The following SEMA7A variants were observed in gnomAD, a reference collection of about 807,000 sequenced individuals.
SEMA7A encodes the protein semaphorin-7A.
A neutral mutation model predicts 67.5 loss-of-function variants in SEMA7A; 21 were observed. That is an observed-to-expected ratio of 0.31 (90% CI 0.22 to 0.45). The LOEUF is 0.45. SEMA7A is among the 20% of genes least tolerant of loss of function. SEMA7A has a pLI of 1.00. For missense variants in SEMA7A, 774 were observed against 908.6 expected, an observed-to-expected ratio of 0.85 and a Z score of 1.90; for synonymous variants, 364 against 368.5, an observed-to-expected ratio of 0.99 and a Z score of 0.14.
At position 74,411,665 on chromosome 15, in the gene SEMA7A, G is replaced by A; in HGVS notation, c.1468C>T (p.Leu490=). The A allele has an allele frequency of 6.2e-7, 1 of 1,613,660 alleles. No homozygotes were observed. Among genetic ancestry groups the A allele is most frequent in the Non-Finnish European group, 8.5e-7 (1 of 1,179,980 alleles). ...CCGCCATAGACCTCACACAGGTCCA[G>A]GGGCACCTGGCTCACCTCCCACTGG... ...SSQWEVSQVP[L]DLCEVYGGGC... is the part of the protein sequence containing the mutation. Residue 490 remains leucine, a synonymous_variant, in exon 12 of 14, where the codon CTG becomes TTG. Transcript: ENST00000261918. The surrounding 1 kb of genome is among the most constrained non-coding windows in gnomAD (Gnocchi z 4.4).
intron 10 of SEMA7A, among the ~76,000 whole-genome samples, chr15:74,412,492 C>T (rs1028291590): frequency 2.0e-5 from 3 of 152,232 alleles, no homozygotes; most frequent in Non-Finnish European, 4.4e-5. Flanking sequence ...AGAGCCCAAC[C>T]ACTCAGCTGC....
At chr15:74,418,580 G>A (rs1817514814) in intron 2 of SEMA7A, among the ~76,000 whole-genome samples, 1 of 152,192 alleles carries the variant, frequency 6.6e-6, no homozygotes, top group African/African-American at 2.4e-5. Flanking sequence ...CTGCCCAGCT[G>A]GCCAGGCCCA....
rs867681694 is a variant in SEMA7A, at chr15:74,427,204, T to C, written c.178+6537A>G. The C allele has an allele frequency of 2.8e-5, 28 of 985,154 alleles. No individual in the cohort carries two copies. The Middle Eastern group carries it at 1.6e-3, about 55-fold the overall frequency. 61.0% of individuals were successfully genotyped at this position (985,154 alleles called of 1,614,324 possible). A position where few individuals can be genotyped will look rare whatever the true frequency, so the allele number is the denominator to read the frequency against. On this transcript the variant is annotated intron_variant, in intron 1 of 13. Coordinates refer to ENST00000261918, the MANE Select transcript of SEMA7A (RefSeq NM_003612.5). ...ACCACCATCTTCGCTCAGATCATGCTGTCTGATGGGATTTCATCTGGCCTA... is the reference window on the plus strand; with the variant it reads ...ACCACCATCTTCGCTCAGATCATGCCGTCTGATGGGATTTCATCTGGCCTA...
chr15:74,420,806 C>T (rs1172211504), intron 1 of SEMA7A, among the ~76,000 whole-genome samples: 4 of 152,244 alleles, frequency 2.6e-5, no homozygotes, highest in Non-Finnish European at 2.9e-5. Flanking sequence ...GCCCCAACTC[C>T]CCTCCTGCTC....
At position 74,414,556 on chromosome 15, in the gene SEMA7A, G is replaced by C. The variant is rs757100380; in HGVS notation, c.1285C>G (p.Leu429Val). ...SHGETFHVLY[L>V]TTDRGTIHKV... is the part of the protein sequence containing the mutation. The stretch of plus-strand genomic sequence containing the variant: ...CGGGGTAGCCTCTCACCTGTAGTTA[G>C]GTAAAGCACATGAAAGGTCTCCCCG... The change falls in exon 10 of 14, where the codon CTA becomes GTA. Residue 429 changes from leucine (L) to valine (V), a missense_variant. Leu to Val is a conservative substitution (Grantham distance 32). This residue lies in a region of SEMA7A where 427 missense variants were observed against 555.4 expected (regional missense o/e 0.77). Transcript: ENST00000261918. This position sits in a 1 kb window ranked among gnomAD's most constrained non-coding sequence, Gnocchi z 4.1. 1 of 1,614,208 alleles carries C rather than the reference G, an allele frequency of 6.2e-7. No homozygotes were observed. Among genetic ancestry groups the C allele is most frequent in the Non-Finnish European group, 8.5e-7 (1 of 1,180,030 alleles).
intron 1 of SEMA7A, among the ~76,000 whole-genome samples, chr15:74,420,283 G>A (rs1259335233): frequency 2.0e-5 from 3 of 152,220 alleles, no homozygotes; most frequent in Non-Finnish European, 2.9e-5. Flanking sequence ...GTCACCCCCG[G>A]AAGTGAGCAT....
At position 74,416,670 on chromosome 15, in the gene SEMA7A, A is replaced by T. The variant is rs2060951284; in HGVS notation, c.706T>A (p.Tyr236Asn). ...AAGAAGTAGTAGATCTTGTCATCGT[A>T]AGCCTGGTCTTGGTGCACGATGGTG... ...KATIVHQDQA[Y>N]DDKIYYFFRE... Residue 236 changes from tyrosine (Y) to asparagine (N), a missense_variant, in exon 7 of 14, where the codon TAC (tyrosine) becomes AAC (asparagine). Tyr to Asn is a moderately radical substitution (Grantham distance 143, BLOSUM62 -2). Around this residue, in one of 2 missense-constraint regions of SEMA7A, gnomAD observed 347 missense variants for 353.2 expected, o/e 0.98. Transcript: ENST00000261918. 6.2e-7 allele frequency: 1 copy of T among 1,613,926 alleles called. No individual in the cohort carries two copies. Among genetic ancestry groups the T allele is most frequent in the African/African-American group, 1.3e-5 (1 of 74,890 alleles).
chr15:74,417,383 G>C lies in SEMA7A; in HGVS notation c.613C>G (p.Arg205Gly), dbSNP rs143114662. ...TACAGCTCACTCTCGCCCCGGATGC[G>C]GCGGAACCGAGGGATCTTCCCATTG... ...EYNGKIPRFR[R>G]IRGESELYTS... The change falls in exon 6 of 14, where the codon CGC (arginine) becomes GGC (glycine). Residue 205 changes from arginine to glycine, a missense_variant. Physicochemically the swap from Arg to Gly is moderately radical, Grantham distance 125. Transcript: ENST00000261918. 2 of 1,614,024 alleles carry C rather than the reference G, an allele frequency of 1.2e-6. No individual in the cohort carries two copies. The highest frequency in any genetic ancestry group is 1.7e-6 in the Non-Finnish European group (2 of 1,180,008).
At position 74,423,350 on chromosome 15, in the gene SEMA7A, T is replaced by C. The variant is rs1160136129; in HGVS notation, c.179-4398A>G. On this transcript the variant is annotated intron_variant, in intron 1 of 13. Coordinates refer to ENST00000261918, the MANE Select transcript of SEMA7A (RefSeq NM_003612.5). The surrounding 1 kb of genome is among the most constrained non-coding windows in gnomAD (Gnocchi z 4.1). Reference sequence around the variant, plus strand: ...CACCCTTTGGAATCCCACATCCACATGTCAAGGTGGAAGGGAGAGGATCTA... The same window carrying C: ...CACCCTTTGGAATCCCACATCCACACGTCAAGGTGGAAGGGAGAGGATCTA... 6.6e-6 allele frequency among the ~76,000 whole-genome samples: 1 copy of C among 152,126 alleles called. No homozygotes were observed. The highest frequency in any genetic ancestry group is 6.5e-5 in the Admixed American group (1 of 15,280).
In SEMA7A at chr15:74,433,635, G is replaced by C. The variant is rs1201452408; in HGVS notation, c.178+106C>G. On this transcript the variant is annotated intron_variant, in intron 1 of 13. Transcript: ENST00000261918. ...CGGGGACAGCGCGGGGACAGCCCGG[G>C]ACCCGCAGAGCTGCGCGCACGCACT... The C allele has an allele frequency of 7.7e-6, 10 of 1,295,818 alleles. No homozygotes were observed. The African/African-American group carries it at 1.6e-4, about 20-fold the overall frequency. 80.3% of individuals were successfully genotyped at this position (1,295,818 alleles called of 1,614,324 possible).
At chr15:74,417,099 C>G (rs1012845919) in intron 6 of SEMA7A, among the ~76,000 whole-genome samples, 3 of 152,154 alleles carry the variant, frequency 2.0e-5, no homozygotes, top group Admixed American at 6.5e-5. Flanking sequence ...TGCACTGGGT[C>G]TGGGGCTCCC....
chr15:74,427,412 C>T, intron 1 of SEMA7A: 1 of 985,092 alleles, frequency 1.0e-6, no homozygotes, highest in Non-Finnish European at 1.2e-6. Context: ...AGTGACCTTC[C>T]TTCCTCGACA....
chr15:74,413,682 G>C (rs1343174955), intron 10 of SEMA7A, among the ~76,000 whole-genome samples: 1 of 152,172 alleles, frequency 6.6e-6, no homozygotes, highest in East Asian at 1.9e-4. Flanking sequence ...TGCCCTGTGG[G>C]AAATTCCTCT....
chr15:74,431,946 C>G (rs1344164749), intron 1 of SEMA7A, among the ~76,000 whole-genome samples: 1 of 151,956 alleles, frequency 6.6e-6, no homozygotes, highest in Non-Finnish European at 1.5e-5. Flanking sequence ...GAACTGCGGG[C>G]GGGGGGGTAG....
chr15:74,415,861 A>G lies in SEMA7A; in HGVS notation c.926T>C (p.Leu309Pro). The G allele has an allele frequency of 6.2e-7, 1 of 1,614,032 alleles. No individual in the cohort carries two copies. Among genetic ancestry groups the G allele is most frequent in the Non-Finnish European group, 8.5e-7 (1 of 1,179,946 alleles). ...CCTCCACTGGCCGCTGGGGTCAGGG[A>G]GCAGGAAGACGTCTTGCAGCCTGTT... ...NFNRLQDVFL[L>P]PDPSGQWRDT... Residue 309 changes from leucine to proline, a missense_variant, in exon 8 of 14, where the codon CTC becomes CCC. Physicochemically the swap from Leu to Pro is moderately conservative, Grantham distance 98. Transcript: ENST00000261918.
At chr15:74,419,922 C>T (rs1216373174) in intron 1 of SEMA7A, among the ~76,000 whole-genome samples, 2 of 152,192 alleles carry the variant, frequency 1.3e-5, no homozygotes, top group African/African-American at 4.8e-5. Context: ...CTGAGGTTGT[C>T]CTGGTTGCAG....
chr15:74,428,766 G>A (rs1223123999), intron 1 of SEMA7A, among the ~76,000 whole-genome samples: 5 of 152,324 alleles, frequency 3.3e-5, no homozygotes, highest in South Asian at 2.1e-4. Context: ...GAGGTCCTCC[G>A]GGAGGCTGGG....
chr15:74,433,477 C>G, intron 1 of SEMA7A: 1 of 1,023,634 alleles, frequency 9.8e-7, no homozygotes, highest in Non-Finnish European at 1.2e-6. Flanking sequence ...GTTGCGGCTC[C>G]TGGCTGCCAG....
intron 1 of SEMA7A, among the ~76,000 whole-genome samples, chr15:74,421,828 C>G (rs911699742): frequency 6.6e-6 from 1 of 152,148 alleles, no homozygotes; most frequent in African/African-American, 2.4e-5. Flanking sequence ...GGCCAGGCCT[C>G]GAGTCTCTGC....
Sources: gnomAD v4.1 joint callset for allele counts (sites outside exome capture counted in the v4.1 genomes callset) on GRCh38, gnomAD v4.1.1 for gene constraint, gnomAD v4.1.1 regional missense constraint, Gnocchi (gnomAD v3.1) non-coding constraint, MANE v1.5 for transcripts, NCBI Gene and HGNC (gene_info 2026-07-23, HGNC 2026-07-21) for gene names.